The following CACNA2D3 variants were observed in gnomAD, a reference collection of about 807,000 sequenced individuals.
The protein encoded by CACNA2D3 is voltage-dependent calcium channel subunit alpha-2/delta-3.
In CACNA2D3, 60 loss-of-function variants were observed where a neutral mutation model predicts 160.6. The ratio of observed to expected loss-of-function variants is 0.37; its 90% CI spans 0.30 to 0.46. CACNA2D3 has a LOEUF of 0.46. Ranked by LOEUF, CACNA2D3 falls within the 20% of genes least tolerant of loss-of-function variation. The probability of loss-of-function intolerance (pLI) is 1.00; values close to 1 mark genes in which losing one functional copy is unlikely to be tolerated. For synonymous variants in CACNA2D3, 558 were observed against 492.9 expected, an observed-to-expected ratio of 1.13 and a Z score of -1.75; for missense variants, 1,205 against 1,365.0, an observed-to-expected ratio of 0.88 and a Z score of 1.85.
chr3:54,524,826 A>G (rs562665593), intron 5 of CACNA2D3, among the ~76,000 whole-genome samples: 1 of 152,228 alleles, frequency 6.6e-6, no homozygotes, highest in East Asian at 1.9e-4. Context: ...TTAATAGAAC[A>G]AGAAGGGTTG....
intron 2 of CACNA2D3, among the ~76,000 whole-genome samples, chr3:54,244,975 A>G (rs1702043360): frequency 6.6e-6 from 1 of 152,220 alleles, no homozygotes; most frequent in South Asian, 2.1e-4. Flanking sequence ...AACTCAAGAA[A>G]AATTTAGATG....
At chr3:54,857,060 C>T (rs772310488) in intron 17 of CACNA2D3, among the ~76,000 whole-genome samples, 11 of 152,128 alleles carry the variant, frequency 7.2e-5, no homozygotes, top group Non-Finnish European at 1.3e-4. Context: ...GGATTACAGG[C>T]GTGAGCCACC....
At chr3:54,306,326 T>C (rs921964255) in intron 2 of CACNA2D3, among the ~76,000 whole-genome samples, 10 of 132,822 alleles carry the variant, frequency 7.5e-5, no homozygotes, top group Non-Finnish European at 3.6e-5. Flanking sequence ...TGTGTGTGTA[T>C]ATGAGAGAGA....
At chr3:54,667,172 T>C (rs1377113744) in intron 11 of CACNA2D3, among the ~76,000 whole-genome samples, 1 of 152,202 alleles carries the variant, frequency 6.6e-6, no homozygotes, top group Non-Finnish European at 1.5e-5. Context: ...GTTTTAAAAC[T>C]CTGCTGATTG....
rs1491160047 is a variant in CACNA2D3, at chr3:54,822,790, C to CTTTTCTTTCTTTCTTTCTTTCTTTT, written c.1398+5920_1398+5921insTTTTCTTTCTTTCTTTCTTTCTTTT. Among the ~76,000 whole-genome samples, 61 of 71,960 alleles carry CTTTTCTTTCTTTCTTTCTTTCTTTT rather than the reference C, an allele frequency of 8.5e-4. 3 individuals are homozygous for CTTTTCTTTCTTTCTTTCTTTCTTTT. The highest frequency in any genetic ancestry group is 2.7e-3 in the African/African-American group (47 of 17,276). The allele number at this position is 71,960 out of a possible 152,430, so 47.2% of individuals were successfully genotyped here. ...TCTTTCTTTCTTTCTTTCTTTCTTT[C>CTTTTCTTTCTTTCTTTCTTTCTTTT]CTTTCTTTCTTTCTTTCTTTCTTTC... On this transcript the variant is annotated intron_variant, in intron 14 of 37. Transcript: ENST00000474759.
intron 25 of CACNA2D3, among the ~76,000 whole-genome samples, chr3:54,895,492 C>A (rs1324102989): frequency 6.6e-6 from 1 of 152,198 alleles, no homozygotes; most frequent in Non-Finnish European, 1.5e-5. Context: ...GTGAAGGGAA[C>A]CCTGGTTAGA....
intron 13 of CACNA2D3, among the ~76,000 whole-genome samples, chr3:54,785,302 C>T (rs1033653192): frequency 6.6e-6 from 1 of 152,176 alleles, no homozygotes; most frequent in East Asian, 1.9e-4. Flanking sequence ...GTAACATCTG[C>T]TCCTCAGCTT....
At chr3:54,820,641 C>T (rs9855465) in intron 14 of CACNA2D3, among the ~76,000 whole-genome samples, 1,782 of 152,154 alleles carry the variant, frequency 0.012, 24 homozygotes, top group African/African-American at 0.041. Context: ...ACTTTCAAGG[C>T]GTCACAAATT....
chr3:54,855,801 C>T (rs1163450491), intron 17 of CACNA2D3, among the ~76,000 whole-genome samples: 1 of 152,152 alleles, frequency 6.6e-6, no homozygotes, highest in Non-Finnish European at 1.5e-5. Context: ...TGCTGGCAAC[C>T]AGAGCAGCCT....
intron 27 of CACNA2D3, among the ~76,000 whole-genome samples, chr3:54,934,600 CA>C (rs1387979685): frequency 6.6e-6 from 1 of 152,122 alleles, no homozygotes; most frequent in Non-Finnish European, 1.5e-5. Flanking sequence ...AGACAGTGGC[CA>C]AAATCTTTCT....
chr3:54,227,163 G>A (rs1272823802), intron 2 of CACNA2D3, among the ~76,000 whole-genome samples: 8 of 152,168 alleles, frequency 5.3e-5, no homozygotes, highest in Non-Finnish European at 4.4e-5. Flanking sequence ...TGTTATGGAA[G>A]TCACAGTTGA....
intron 11 of CACNA2D3, among the ~76,000 whole-genome samples, chr3:54,648,346 ACTATTGT>A (rs1193792358): frequency 2.0e-5 from 3 of 152,232 alleles, no homozygotes; most frequent in African/African-American, 7.2e-5. Context: ...CCATTTGTTT[ACTATTGT>A]CTATGGCTGA....
intron 2 of CACNA2D3, among the ~76,000 whole-genome samples, chr3:54,171,029 C>G (rs1700555270): frequency 6.6e-6 from 1 of 151,306 alleles, no homozygotes; most frequent in South Asian, 2.1e-4. Context: ...GCGTGTGGAC[C>G]AAATGTTCCT....
At chr3:54,530,271 C>T (rs1360691380) in intron 5 of CACNA2D3, among the ~76,000 whole-genome samples, 1 of 152,168 alleles carries the variant, frequency 6.6e-6, no homozygotes, top group Non-Finnish European at 1.5e-5. Flanking sequence ...ACTGTTCTGC[C>T]TGCGCTGCTG....
intron 2 of CACNA2D3, among the ~76,000 whole-genome samples, chr3:54,267,128 T>C (rs56368217): frequency 0.15 from 22,918 of 152,160 alleles, 2,104 homozygotes; most frequent in South Asian, 0.21. Flanking sequence ...AGTTGATGTT[T>C]AGACATTTCC....
At chr3:54,612,760 C>T (rs1337931066) in intron 9 of CACNA2D3, among the ~76,000 whole-genome samples, 1 of 152,134 alleles carries the variant, frequency 6.6e-6, no homozygotes, top group Non-Finnish European at 1.5e-5. Context: ...ATAAGACCAG[C>T]GGATGAATCT....
intron 11 of CACNA2D3, among the ~76,000 whole-genome samples, chr3:54,705,995 C>T (rs563881600): frequency 6.6e-6 from 1 of 152,290 alleles, no homozygotes; most frequent in African/African-American, 2.4e-5. Context: ...GGCTTCTGTG[C>T]TCCTTTGAGG....
At chr3:54,161,954 C>G (rs561681253) in intron 2 of CACNA2D3, among the ~76,000 whole-genome samples, 1 of 152,156 alleles carries the variant, frequency 6.6e-6, no homozygotes, top group Non-Finnish European at 1.5e-5. Flanking sequence ...TTTCACATTC[C>G]TGGTCTTTGC....
intron 13 of CACNA2D3, among the ~76,000 whole-genome samples, chr3:54,764,882 T>G (rs542778125): frequency 2.9e-4 from 44 of 152,180 alleles, no homozygotes; most frequent in Admixed American, 4.6e-4. Context: ...CATGGGCCCA[T>G]TCTAAAGCCG....
Sources: gnomAD v4.1 joint callset for allele counts (sites outside exome capture counted in the v4.1 genomes callset) on GRCh38, gnomAD v4.1.1 for gene constraint, MANE v1.5 for transcripts, NCBI Gene and HGNC (gene_info 2026-07-23, HGNC 2026-07-21) for gene names.